The following CENPP variants were observed in gnomAD, a reference collection of about 807,000 sequenced individuals.
CENPP encodes centromere protein P.
A neutral mutation model predicts 35.6 loss-of-function variants in CENPP; 24 were observed. That is an observed-to-expected ratio of 0.67 (90% CI 0.49 to 0.95). The LOEUF is 0.95. CENPP is among the 40% of genes least tolerant of loss of function. The pLI is 0.00. For missense variants in CENPP, 332 were observed against 345.3 expected (o/e 0.96, Z 0.31); for synonymous variants, 120 against 125.5 (o/e 0.96, Z 0.29).
At chr9:92,403,619 A>G (rs1455650863) in intron 5 of CENPP, 13 of 1,204,138 alleles carry the variant, frequency 1.1e-5, no homozygotes, top group East Asian at 3.4e-5. Flanking sequence ...GTTTTTATGT[A>G]TCAGTGAACA....
intron 5 of CENPP, among the ~76,000 whole-genome samples, chr9:92,431,787 GT>G (rs1844115763): frequency 3.3e-5 from 5 of 151,956 alleles, no homozygotes; most frequent in African/African-American, 9.7e-5. Context: ...ATTGGCTAGG[GT>G]GGTCTCAAAC....
intron 5 of CENPP, among the ~76,000 whole-genome samples, chr9:92,409,934 TTTTG>T (rs1470855700): frequency 1.3e-5 from 2 of 152,128 alleles, no homozygotes; most frequent in African/African-American, 4.8e-5. Context: ...TTGTTTTGTT[TTTTG>T]TTTGTTTGCT....
At chr9:92,492,842 C>G (rs559256118) in intron 5 of CENPP, among the ~76,000 whole-genome samples, 3 of 152,258 alleles carry the variant, frequency 2.0e-5, no homozygotes, top group Non-Finnish European at 4.4e-5. Context: ...TGCCACCTGC[C>G]CTCACTGAGC....
chr9:92,376,343 CCT>C (rs1332002926), intron 4 of CENPP, among the ~76,000 whole-genome samples: 2 of 152,154 alleles, frequency 1.3e-5, no homozygotes, highest in Non-Finnish European at 2.9e-5. Context: ...AAAAACATCC[CCT>C]GTGTAGCTAT....
At chr9:92,503,307 T>C (rs774740378) in intron 5 of CENPP, among the ~76,000 whole-genome samples, 19 of 152,186 alleles carry the variant, frequency 1.2e-4, no homozygotes, top group Non-Finnish European at 2.5e-4. Context: ...TAATCTCTAC[T>C]TACCAGTGGA....
At chr9:92,460,696 G>T in intron 5 of CENPP, 1 of 594,742 alleles carries the variant, frequency 1.7e-6, no homozygotes, top group Non-Finnish European at 3.0e-6. Context: ...TTTTCTTTGA[G>T]ACAGAGTTTC....
intron 5 of CENPP, among the ~76,000 whole-genome samples, chr9:92,574,781 A>G (rs1471135684): frequency 6.6e-6 from 1 of 152,244 alleles, no homozygotes; most frequent in Non-Finnish European, 1.5e-5. Flanking sequence ...TTCAAAAAGA[A>G]CAAAGCTGGA....
intron 5 of CENPP, among the ~76,000 whole-genome samples, chr9:92,542,670 C>T (rs1244135239): frequency 1.3e-5 from 2 of 152,184 alleles, no homozygotes; most frequent in East Asian, 3.8e-4. Flanking sequence ...GCATGCACCA[C>T]CACACCCAGC....
intron 5 of CENPP, among the ~76,000 whole-genome samples, chr9:92,452,789 T>C (rs891160516): frequency 6.6e-6 from 1 of 152,168 alleles, no homozygotes; most frequent in African/African-American, 2.4e-5. Flanking sequence ...CTGTTATTGG[T>C]CTATTCAGAG....
chr9:92,500,424 C>G (rs1242670774), intron 5 of CENPP, among the ~76,000 whole-genome samples: 1 of 152,228 alleles, frequency 6.6e-6, no homozygotes, highest in Non-Finnish European at 1.5e-5. Context: ...CTCAGGTGAT[C>G]CGCCCGCCTT....
intron 4 of CENPP, among the ~76,000 whole-genome samples, chr9:92,366,003 A>G (rs1250787932): frequency 6.6e-6 from 1 of 151,294 alleles, no homozygotes; most frequent in East Asian, 2.0e-4. Flanking sequence ...ACATGGTGAA[A>G]CCCCGTCTCT....
chr9:92,385,629 TGACCCTATCGGTAATC>T, intron 5 of CENPP: 1 of 1,613,920 alleles, frequency 6.2e-7, no homozygotes, highest in Non-Finnish European at 8.5e-7. Context: ...GTTAAAAGTA[TGACCCTATCGGTAATC>T]TTTTTAAGCA....
intron 5 of CENPP, among the ~76,000 whole-genome samples, chr9:92,473,567 C>T (rs887593447): frequency 6.6e-6 from 1 of 152,200 alleles, no homozygotes; most frequent in African/African-American, 2.4e-5. Flanking sequence ...GTTCCTGATG[C>T]TGTTTCCACA....
chr9:92,601,390 C>T (rs1850913205), intron 5 of CENPP, among the ~76,000 whole-genome samples: 1 of 152,188 alleles, frequency 6.6e-6, no homozygotes, highest in Admixed American at 6.5e-5. Flanking sequence ...GTGTGCCAAT[C>T]AGGAAATTTC....
At position 92,476,836 on chromosome 9, in the gene CENPP, C is replaced by T. The variant is rs1845729545; in HGVS notation, c.564+96977C>T. 6.6e-6 allele frequency among the ~76,000 whole-genome samples: 1 copy of T among 152,212 alleles called. No individual in the cohort carries two copies. The highest frequency in any genetic ancestry group is 6.5e-5 in the Admixed American group (1 of 15,284). On this transcript the variant is annotated intron_variant, in intron 5 of 7. Transcript: ENST00000375587. This position sits in a 1 kb window ranked among gnomAD's most constrained non-coding sequence, Gnocchi z 4.1. ...CAGAGCTAGGGCTCATGTGTCCCAACTCCCTGTTCTGTGCTGCCTTCTGCT... is the reference window on the plus strand; with the variant it reads ...CAGAGCTAGGGCTCATGTGTCCCAATTCCCTGTTCTGTGCTGCCTTCTGCT...
intron 5 of CENPP, chr9:92,514,661 C>T: frequency 6.3e-7 from 1 of 1,596,956 alleles, no homozygotes; most frequent in Non-Finnish European, 8.5e-7. Flanking sequence ...ATCTGTGGTG[C>T]TGTCAGCGGT....
intron 5 of CENPP, chr9:92,385,705 C>T (rs367913185): frequency 1.1e-5 from 18 of 1,614,022 alleles, no homozygotes; most frequent in African/African-American, 6.7e-5. Flanking sequence ...GCCCTCCAGG[C>T]GTATCTCTTC....
At chr9:92,398,501 C>T in intron 5 of CENPP, among the ~76,000 whole-genome samples, 1 of 151,688 alleles carries the variant, frequency 6.6e-6, no homozygotes, top group African/African-American at 2.4e-5. Flanking sequence ...CCTTTTCTTT[C>T]TTACATGAAA....
chr9:92,463,969 A>G (rs1279250116), intron 5 of CENPP, among the ~76,000 whole-genome samples: 2 of 152,104 alleles, frequency 1.3e-5, no homozygotes, highest in Admixed American at 6.6e-5. Context: ...AATTATCTGT[A>G]TATGTTTGTT....
Sources: allele counts gnomAD v4.1 joint callset (sites outside exome capture counted in the v4.1 genomes callset), GRCh38; gene constraint gnomAD v4.1.1; non-coding constraint Gnocchi (gnomAD v3.1); transcripts MANE v1.5; gene names NCBI Gene and HGNC (gene_info 2026-07-23, HGNC 2026-07-21).